RBM34: variants seen among roughly 807,000 people sequenced by gnomAD.
RBM34 encodes RNA binding motif protein 34.
RBM34 carries 39 observed loss-of-function variants against 44.6 expected under a neutral mutation model. That is an observed-to-expected ratio of 0.87 (90% CI 0.68 to 1.14). RBM34 has a LOEUF of 1.14. Among genes scored for constraint, RBM34 ranks in the 50% most tolerant of loss-of-function variants. RBM34 has a pLI of 0.00. For missense variants in RBM34, 572 were observed against 517.9 expected, an observed-to-expected ratio of 1.10 and a Z score of -1.01; for synonymous variants, 194 against 184.0, an observed-to-expected ratio of 1.05 and a Z score of -0.44.
At chr1:235,155,757 G>A (rs1311183466) in intron 3 of RBM34, among the ~76,000 whole-genome samples, 4 of 136,286 alleles carry the variant, frequency 2.9e-5, no homozygotes, top group African/African-American at 5.7e-5. Context: ...TGCCCACCTT[G>A]GCCTCCCAAA....
At chr1:235,138,304 T>G in intron 6 of RBM34, 130 bp from the exon 7 acceptor site, 2 of 646,128 alleles carry the variant, frequency 3.1e-6, no homozygotes, top group Non-Finnish European at 5.3e-6. Context: ...TGGGTGGACA[T>G]TTCATCTCTT....
At chr1:235,139,908 A>G (rs1484542008) in intron 6 of RBM34, among the ~76,000 whole-genome samples, 1 of 152,216 alleles carries the variant, frequency 6.6e-6, no homozygotes, top group Non-Finnish European at 1.5e-5. Context: ...CTAAAACACT[A>G]GAGCTCAGCG....
At chr1:235,148,668 G>A (rs993061276) in intron 5 of RBM34, among the ~76,000 whole-genome samples, 13 of 151,184 alleles carry the variant, frequency 8.6e-5, no homozygotes, top group African/African-American at 2.7e-4. Flanking sequence ...GCATGATGTC[G>A]GCTCATTGCA....
intron 3 of RBM34, chr1:235,156,600 G>A (rs1252086364): frequency 2.2e-6 from 1 of 444,740 alleles, no homozygotes; most frequent in Non-Finnish European, 4.5e-6. Flanking sequence ...CTTACCAAAA[G>A]TAAATTGTGA....
chr1:235,145,656 G>C (rs112129265), intron 6 of RBM34, among the ~76,000 whole-genome samples: 60 of 152,306 alleles, frequency 3.9e-4, no homozygotes, highest in African/African-American at 1.4e-3. Context: ...ATCTCTACGA[G>C]ACAGCAGTCA....
At chr1:235,137,985 C>T (rs748401686) in intron 7 of RBM34, 45 bp from the exon 8 acceptor site, 4 of 1,553,096 alleles carry the variant, frequency 2.6e-6, no homozygotes, top group Non-Finnish European at 3.5e-6. Flanking sequence ...AAAATGAGCA[C>T]TCGATTACTA....
rs1046682867 is a variant in RBM34, at chr1:235,136,131, C to G, written c.850-58G>C. The G allele has an allele frequency of 4.9e-6, 7 of 1,435,326 alleles. No individual in the cohort carries two copies. In the Admixed American group the frequency reaches 1.3e-4, roughly 27 times the overall value. 88.9% of individuals were successfully genotyped at this position (1,435,326 alleles called of 1,614,324 possible). A position where few individuals can be genotyped will look rare whatever the true frequency, so the allele number is the denominator to read the frequency against. ...CACTAGACCAGAAAATGGAAGTCAT[C>G]GAAAATCCTCCCTATCCCTCCTTCC... On this transcript the variant is annotated intron_variant, in intron 8 of 10. Coordinates refer to ENST00000408888, the MANE Select transcript of RBM34 (RefSeq NM_015014.4).
At position 235,149,656 on chromosome 1, in the gene RBM34, T is replaced by C. The variant is rs369616659; in HGVS notation, c.658-1209A>G. ...CTCCTTTAAGAGTGGATGGGGCAGG[T>C]AGGGAAAACTTTATGGAAGAGGCAG... On this transcript the variant is annotated intron_variant, in intron 5 of 10. Transcript: ENST00000408888. 1.7e-3 allele frequency among the ~76,000 whole-genome samples: 255 copies of C among 152,166 alleles called. 3 individuals carry two copies. Among genetic ancestry groups the C allele is most frequent in the African/African-American group, 6.0e-3 (248 of 41,526 alleles).
At chr1:235,145,786 A>G (rs1032783399) in intron 6 of RBM34, among the ~76,000 whole-genome samples, 2 of 152,028 alleles carry the variant, frequency 1.3e-5, no homozygotes, top group Non-Finnish European at 2.9e-5. Context: ...TTACTCCAAC[A>G]TTATTTGTTT....
Position 235,144,063 on chromosome 1 carries a change from G to A in RBM34, c.701+4341C>T, listed in dbSNP as rs184317120. 2.3e-3 allele frequency among the ~76,000 whole-genome samples: 349 copies of A among 152,106 alleles called. 2 individuals carry two copies. The highest frequency in any genetic ancestry group is 8.2e-3 in the African/African-American group (341 of 41,498). ...GTGGTGGCGAGCACCTGTAGTCCCA[G>A]GTATTTAGGAGGCTGAGGCAGAAGG... On this transcript the variant is annotated intron_variant, in intron 6 of 10. Transcript: ENST00000408888.
intron 6 of RBM34, among the ~76,000 whole-genome samples, chr1:235,141,826 G>A (rs1477805753): frequency 1.3e-5 from 2 of 152,050 alleles, no homozygotes; most frequent in African/African-American, 4.8e-5. Flanking sequence ...GTGAGACCAC[G>A]AACCCACCAG....
intron 4 of RBM34, among the ~76,000 whole-genome samples, chr1:235,153,820 T>C (rs1662274864): frequency 6.6e-6 from 1 of 152,214 alleles, no homozygotes. Flanking sequence ...CAACAGTTAC[T>C]ATCACATGAA....
intron 6 of RBM34, among the ~76,000 whole-genome samples, chr1:235,143,394 A>C (rs1661767914): frequency 6.6e-6 from 1 of 152,248 alleles, no homozygotes; most frequent in South Asian, 2.1e-4. Flanking sequence ...TTTTTTTAGC[A>C]GTTTTATGTA....
chr1:235,148,573 C>T, intron 5 of RBM34, 126 bp from the exon 6 acceptor site: 1 of 621,498 alleles, frequency 1.6e-6, no homozygotes, highest in East Asian at 3.6e-5. Flanking sequence ...GGGAAATAAA[C>T]AAATCAGAAA....
chr1:235,155,839 A>ATATATATATATACG (rs1662399609), intron 3 of RBM34, among the ~76,000 whole-genome samples: 1 of 24,570 alleles, frequency 4.1e-5, no homozygotes, highest in African/African-American at 2.0e-4. Flanking sequence ...ATATATATAT[A>ATATATATATATACG]TATATATATA....
intron 3 of RBM34, among the ~76,000 whole-genome samples, chr1:235,155,500 C>A (rs113379644): frequency 7.2e-6 from 1 of 139,450 alleles, no homozygotes; most frequent in South Asian, 2.2e-4. Context: ...TGCCCCCACA[C>A]GTGGCTTTTT....
At chr1:235,160,227 G>C in intron 3 of RBM34, 2 of 528,814 alleles carry the variant, frequency 3.8e-6, no homozygotes, top group South Asian at 3.1e-5. Flanking sequence ...ACTGCAGCCT[G>C]GGCGTGGCAT....
intron 6 of RBM34, among the ~76,000 whole-genome samples, chr1:235,141,131 C>T (rs972722124): frequency 6.6e-6 from 1 of 151,590 alleles, no homozygotes; most frequent in Admixed American, 6.6e-5. Flanking sequence ...TTTGTAAACA[C>T]ACCAATCGGC....
At chr1:235,154,416 T>C (rs1662307546) in intron 4 of RBM34, among the ~76,000 whole-genome samples, 1 of 150,622 alleles carries the variant, frequency 6.6e-6, no homozygotes, top group Non-Finnish European at 1.5e-5. Flanking sequence ...ACACAAAAAT[T>C]AGCCAGGCAC....
Sources: gnomAD v4.1 joint callset for allele counts (sites outside exome capture counted in the v4.1 genomes callset) on GRCh38, gnomAD v4.1.1 for gene constraint, MANE v1.5 for transcripts, NCBI Gene and HGNC (gene_info 2026-07-23, HGNC 2026-07-21) for gene names.